MACF1: variants seen among roughly 807,000 people sequenced by gnomAD.
MACF1 encodes the protein microtubule actin crosslinking factor 1, also known as microtubule-actin cross-linking factor 1.
In MACF1, 193 loss-of-function variants were observed where a neutral mutation model predicts 854.8. The ratio of observed to expected loss-of-function variants is 0.23; its 90% confidence interval spans 0.20 to 0.25. MACF1 has a LOEUF of 0.25. MACF1 is among the 10% of genes least tolerant of loss of function. The pLI is 1.00. For missense variants in MACF1, 7,722 were observed against 8,929.1 expected (o/e 0.86, Z 5.45); for synonymous variants, 3,185 against 3,226.7 (o/e 0.99, Z 0.44).
chr1:39,195,812 T>C (rs1002178964), intron 2 of MACF1, among the ~76,000 whole-genome samples: 1 of 152,206 alleles, frequency 6.6e-6, no homozygotes, highest in African/African-American at 2.4e-5. Flanking sequence ...GCATTTAAAA[T>C]GTGCCAATCA....
intron 14 of MACF1, among the ~76,000 whole-genome samples, chr1:39,286,771 C>T (rs1054328066): frequency 1.3e-5 from 2 of 152,008 alleles, no homozygotes; most frequent in Non-Finnish European, 2.9e-5. Flanking sequence ...TCTCTTGACC[C>T]CTAATCCATT....
At chr1:39,179,536 C>G (rs1365057740) in intron 2 of MACF1, among the ~76,000 whole-genome samples, 3 of 151,910 alleles carry the variant, frequency 2.0e-5, no homozygotes, top group African/African-American at 7.3e-5. Context: ...TAATTTCTAC[C>G]TGAAAGAATA....
intron 23 of MACF1, chr1:39,304,598 C>G: frequency 1.5e-6 from 1 of 685,490 alleles, no homozygotes; most frequent in African/African-American, 1.9e-5. Flanking sequence ...GAGCCTTGCT[C>G]TGTCGCTCAG....
intron 2 of MACF1, among the ~76,000 whole-genome samples, chr1:39,232,020 A>T (rs1369226024): frequency 6.6e-6 from 1 of 150,568 alleles, no homozygotes; most frequent in African/African-American, 2.4e-5. Flanking sequence ...AATGAAGATT[A>T]TTATTATCAT....
intron 2 of MACF1, 21 bp downstream of exon 2, chr1:39,231,264 T>C (rs760030119): frequency 2.8e-5 from 45 of 1,609,832 alleles, no homozygotes; most frequent in Non-Finnish European, 3.8e-5. Flanking sequence ...TTCATATATA[T>C]GCTGCCCCAG....
Position 39,387,444 on chromosome 1 carries a change from G to A in MACF1, c.14602G>A (p.Glu4868Lys). The change falls in exon 58 of 101, where the codon GAA becomes AAA. Residue 4868 changes from glutamate (E) to lysine (K), a missense_variant. Glu to Lys is a moderately conservative substitution (Grantham distance 56). Coordinates refer to ENST00000564288, the MANE Select transcript of MACF1 (RefSeq NM_001394062.1). ...ESLLLSVPPG[E>K]EKRTLQNQLV... ...TCTACTTCTTTCTGTACCTCCTGGA[G>A]AAGAGAAAAGGACTCTACAAAACCA... The A allele has an allele frequency of 6.2e-7, 1 of 1,614,206 alleles. No individual in the cohort carries two copies. Among genetic ancestry groups the A allele is most frequent in the Non-Finnish European group, 8.5e-7 (1 of 1,180,040 alleles).
intron 84 of MACF1, 46 bp from the exon 85 acceptor site, chr1:39,451,006 G>T (rs768741611): frequency 2.5e-6 from 4 of 1,593,224 alleles, no homozygotes; most frequent in Non-Finnish European, 3.4e-6. Context: ...TGGGCCATTT[G>T]TAAAAGGAAT....
At chr1:39,255,645 G>A (rs567403234) in intron 5 of MACF1, among the ~76,000 whole-genome samples, 2 of 152,148 alleles carry the variant, frequency 1.3e-5, no homozygotes, top group East Asian at 1.9e-4. Flanking sequence ...TATAGGCTCC[G>A]TGAGGACGGG....
Position 39,422,369 on chromosome 1 carries a change from T to C in MACF1, c.15817-5T>C, listed in dbSNP as rs1643576931. On this transcript the variant is annotated splice_polypyrimidine_tract_variant and splice_region_variant and intron_variant, in intron 58 of 100. Transcript: ENST00000564288. ...TTAAATCTTCTTTGGCTTGTAATTA[T>C]CTAGATGTTTCAGAAAGAACAAGTG... is the stretch of plus-strand genomic sequence containing the variant. The C allele has an allele frequency of 6.2e-7, 1 of 1,613,324 alleles. No individual in the cohort carries two copies. Among genetic ancestry groups the C allele is most frequent in the African/African-American group, 1.3e-5 (1 of 74,918 alleles).
chr1:39,336,991 GCTCT>G (rs1226574510), intron 37 of MACF1, among the ~76,000 whole-genome samples, 187 bp from the exon 38 acceptor site: 2 of 152,178 alleles, frequency 1.3e-5, no homozygotes, highest in Admixed American at 6.5e-5. Context: ...CTGAGCTTCT[GCTCT>G]CTGAGGAAAT....
In MACF1 at chr1:39,254,386, CA is replaced by C; in HGVS notation, c.435+12del. 3 of 1,612,834 alleles carry C rather than the reference CA, an allele frequency of 1.9e-6. No homozygotes were observed. In the South Asian group the frequency reaches 3.3e-5, roughly 18 times the overall value. ...CTAAAGCAGCGACAGGTAAGACCAT[CA>C]CATGCCTTCCCCATTCTTCCAGGCT... is the stretch of plus-strand genomic sequence containing the variant. On this transcript the variant is annotated intron_variant, in intron 5 of 100. Transcript: ENST00000564288.
chr1:39,411,181 C>T (rs1231348566), intron 58 of MACF1: 42 of 1,613,580 alleles, frequency 2.6e-5, no homozygotes, highest in Non-Finnish European at 3.2e-5. Context: ...ATTGCATGTT[C>T]TCATAACCCC....
intron 6 of MACF1, among the ~76,000 whole-genome samples, chr1:39,267,985 T>C (rs553826440): frequency 6.6e-6 from 1 of 152,392 alleles, no homozygotes; most frequent in East Asian, 1.9e-4. Flanking sequence ...TTCATTAAAA[T>C]AATTTTATTG....
At chr1:39,429,401 T>C in intron 64 of MACF1, 75 bp downstream of exon 64, 1 of 809,492 alleles carries the variant, frequency 1.2e-6, no homozygotes, top group South Asian at 1.5e-5. Flanking sequence ...AGGAGTTCCC[T>C]GCCTTAGCCT....
intron 93 of MACF1, among the ~76,000 whole-genome samples, chr1:39,462,766 G>T (rs182752468): frequency 6.0e-4 from 92 of 152,112 alleles, no homozygotes; most frequent in African/African-American, 2.2e-3. Flanking sequence ...GTTTAAAATG[G>T]TGTATACCCA....
Position 39,285,682 on chromosome 1 carries a change from C to T in MACF1, c.1432C>T (p.Leu478Phe). 1.2e-6 allele frequency: 2 copies of T among 1,613,986 alleles called. No individual in the cohort carries two copies. Among genetic ancestry groups the T allele is most frequent in the South Asian group, 2.2e-5 (2 of 91,072 alleles). The part of the protein sequence containing the change: ...VIMYIQECEG[L>F]IRQLQVDLQI... ...TATGTACATTCAGGAGTGTGAAGGT[C>T]TCATCAGGCAGCTGCAGGTGGATCT... The change falls in exon 14 of 101, where the codon CTC (leucine) becomes TTC (phenylalanine). Residue 478 changes from leucine to phenylalanine, a missense_variant. Around this residue, in one of 15 missense-constraint regions of MACF1, gnomAD observed 1,137 missense variants for 1,263.0 expected, o/e 0.90. Coordinates refer to ENST00000564288, the MANE Select transcript of MACF1 (RefSeq NM_001394062.1).
At chr1:39,389,351 G>GGT (rs1641935224) in intron 58 of MACF1, among the ~76,000 whole-genome samples, 9 of 63,470 alleles carry the variant, frequency 1.4e-4, no homozygotes, top group African/African-American at 4.5e-4. Flanking sequence ...GTTTTTGTGT[G>GGT]TTTTTTTTTT....
intron 92 of MACF1, 34 bp from the exon 93 acceptor site, chr1:39,461,849 C>G: frequency 7.5e-7 from 1 of 1,338,870 alleles, no homozygotes; most frequent in Non-Finnish European, 1.1e-6. Context: ...AAGTACCCCT[C>G]TTAATGTTTC....
chr1:39,250,136 G>A, intron 3 of MACF1, 33 bp downstream of exon 3: 1 of 1,455,796 alleles, frequency 6.9e-7, no homozygotes, highest in Non-Finnish European at 9.6e-7. Context: ...CCTCACAATT[G>A]TGGCCCTACA....
Sources: gnomAD v4.1 joint callset for allele counts (sites outside exome capture counted in the v4.1 genomes callset) on GRCh38, gnomAD v4.1.1 for gene constraint, gnomAD v4.1.1 regional missense constraint, MANE v1.5 for transcripts, NCBI Gene and HGNC (gene_info 2026-07-23, HGNC 2026-07-21) for gene names.